Variants in MTCL3 observed in about 807,000 individuals in gnomAD.
MTCL3 encodes the protein MTCL family member 3, also known as microtubule cross-linking factor 3.
chr6:127,501,649 T>C, the MTCL3 span, among the ~76,000 whole-genome samples: 2 of 152,192 alleles, frequency 1.3e-5, no homozygotes, highest in Admixed American at 6.5e-5. Flanking sequence ...ATGTAGAATA[T>C]TCTGAATTTT....
At chr6:127,477,273 T>C in the MTCL3 span, among the ~76,000 whole-genome samples, 1 of 152,198 alleles carries the variant, frequency 6.6e-6, no homozygotes, top group Non-Finnish European at 1.5e-5. Context: ...ATAGTGGAAC[T>C]ATAGAAGTTC....
At chr6:127,514,261 T>C in the MTCL3 span, among the ~76,000 whole-genome samples, 1 of 152,096 alleles carries the variant, frequency 6.6e-6, no homozygotes, top group African/African-American at 2.4e-5. Context: ...TGCAAGTTGG[T>C]TATCTGTTTT....
the MTCL3 span, among the ~76,000 whole-genome samples, chr6:127,506,248 A>G: frequency 2.0e-5 from 3 of 152,174 alleles, no homozygotes; most frequent in Non-Finnish European, 4.4e-5. Flanking sequence ...CCTGTCAAGT[A>G]TTTAGAAGGC....
the MTCL3 span, chr6:127,518,528 A>G: frequency 6.6e-6 from 1 of 152,262 alleles, no homozygotes; most frequent in Admixed American, 6.5e-5. Flanking sequence ...CCGCCTGCTA[A>G]CCCACCCCAT....
the MTCL3 span, among the ~76,000 whole-genome samples, chr6:127,492,169 T>C: frequency 6.6e-6 from 1 of 152,174 alleles, no homozygotes; most frequent in Non-Finnish European, 1.5e-5. Context: ...AGCTGTTATC[T>C]GACCATAAAT....
the MTCL3 span, chr6:127,515,181 G>A: frequency 4.7e-6 from 4 of 847,002 alleles, no homozygotes; most frequent in Non-Finnish European, 7.6e-6. This position sits in a 1 kb window ranked among gnomAD's most constrained non-coding sequence, Gnocchi z 4.3. Flanking sequence ...GGAGTGACAA[G>A]GAGCTGAGTA....
At chr6:127,500,506 G>C in the MTCL3 span, among the ~76,000 whole-genome samples, 13 of 151,764 alleles carry the variant, frequency 8.6e-5, no homozygotes, top group Non-Finnish European at 1.9e-4. Context: ...GCATTGAATT[G>C]TTTGAATACC....
chr6:127,473,660 G>A, the MTCL3 span, among the ~76,000 whole-genome samples: 1 of 152,118 alleles, frequency 6.6e-6, no homozygotes, highest in African/African-American at 2.4e-5. Flanking sequence ...GCAAAGCAGA[G>A]CAACATGCAA....
At chr6:127,486,550 T>C in the MTCL3 span, among the ~76,000 whole-genome samples, 1 of 152,256 alleles carries the variant, frequency 6.6e-6, no homozygotes, top group East Asian at 1.9e-4. Flanking sequence ...AGGGGAGCAG[T>C]TGGGGAGGCC....
chr6:127,473,058 GA>G, the MTCL3 span: 207 of 1,092,226 alleles, frequency 1.9e-4, no homozygotes, highest in Non-Finnish European at 2.3e-4. Flanking sequence ...AATTCATACA[GA>G]AAAATGTCAC....
the MTCL3 span, chr6:127,516,505 T>C: frequency 1.3e-6 from 2 of 1,599,040 alleles, no homozygotes; most frequent in African/African-American, 2.7e-5. Flanking sequence ...CTGAGCTCGC[T>C]GCTGCTTTCT....
the MTCL3 span, chr6:127,514,786 C>G: frequency 3.3e-5 from 52 of 1,573,136 alleles, no homozygotes; most frequent in South Asian, 5.6e-4. Context: ...CCACCCACCG[C>G]CCCTGCCGCG....
the MTCL3 span, chr6:127,514,752 C>A: frequency 7.7e-7 from 1 of 1,305,330 alleles, no homozygotes; most frequent in East Asian, 2.4e-5. Context: ...ACTTCTCAGC[C>A]TAAAGAGCCC....
the MTCL3 span, among the ~76,000 whole-genome samples, chr6:127,511,310 A>T: frequency 6.6e-6 from 1 of 152,216 alleles, no homozygotes; most frequent in African/African-American, 2.4e-5. Context: ...TACCCTAGAG[A>T]ACTAATACAG....
the MTCL3 span, chr6:127,516,354 G>C: frequency 6.3e-7 from 1 of 1,597,814 alleles, no homozygotes; most frequent in Non-Finnish European, 8.5e-7. Context: ...GCCCCGTGCG[G>C]CTCCCGGTCT....
At chr6:127,491,123 A>G in the MTCL3 span, among the ~76,000 whole-genome samples, 2 of 152,264 alleles carry the variant, frequency 1.3e-5, no homozygotes, top group Admixed American at 6.5e-5. Context: ...TGAAGATGAT[A>G]TGAACTTTGC....
chr6:127,492,756 T>A, the MTCL3 span, among the ~76,000 whole-genome samples: 26 of 152,212 alleles, frequency 1.7e-4, no homozygotes, highest in Admixed American at 1.5e-3. Context: ...TCTCATGACC[T>A]CGTGATCCAC....
At chr6:127,519,179 C>T in the MTCL3 span, 1 of 152,140 alleles carries the variant, frequency 6.6e-6, no homozygotes, top group Admixed American at 6.5e-5. Context: ...ATCCCAAAAC[C>T]GCTCGAACAC....
chr6:127,516,060 C>A, the MTCL3 span: 146 of 1,533,014 alleles, frequency 9.5e-5, no homozygotes, highest in African/African-American at 7.4e-4. Flanking sequence ...GCGGAGCGCC[C>A]CCCTCCCTTT....
Sources: gnomAD v4.1 joint callset for allele counts (sites outside exome capture counted in the v4.1 genomes callset) on GRCh38, gnomAD v4.1.1 for gene constraint, Gnocchi (gnomAD v3.1) non-coding constraint, MANE v1.5 for transcripts, NCBI Gene and HGNC (gene_info 2026-07-23, HGNC 2026-07-21) for gene names.